Variants in PIAS1 observed in about 807,000 individuals in gnomAD.
The protein encoded by PIAS1 is protein inhibitor of activated STAT 1.
In PIAS1, 6 loss-of-function variants were observed where a neutral mutation model predicts 71.3. That is an observed-to-expected ratio of 0.08 (90% CI 0.05 to 0.17). PIAS1 has a LOEUF of 0.17. Ranked by LOEUF, PIAS1 falls within the 10% of genes least tolerant of loss-of-function variation. The probability of loss-of-function intolerance (pLI) is 1.00; values close to 1 mark genes in which losing one functional copy is unlikely to be tolerated. For missense variants in PIAS1, 555 were observed against 793.6 expected (o/e 0.70, Z 3.61); for synonymous variants, 303 against 292.9 (o/e 1.03, Z -0.35).
intron 2 of PIAS1, among the ~76,000 whole-genome samples, chr15:68,110,646 C>T (rs930090780): frequency 5.3e-5 from 8 of 151,900 alleles, no homozygotes; most frequent in African/African-American, 1.9e-4. Flanking sequence ...CCTGTAGTCC[C>T]ACCTACTCAA....
At chr15:68,071,104 T>C (rs1266455847) in intron 1 of PIAS1, among the ~76,000 whole-genome samples, 3 of 152,100 alleles carry the variant, frequency 2.0e-5, no homozygotes, top group South Asian at 2.1e-4. Flanking sequence ...CAGAATCCTT[T>C]GGGAGAGGGA....
intron 2 of PIAS1, among the ~76,000 whole-genome samples, chr15:68,123,983 T>TATACAC (rs1555428708): frequency 2.0e-5 from 3 of 151,188 alleles, no homozygotes; most frequent in South Asian, 2.1e-4. Context: ...TGTGTGAATA[T>TATACAC]ACACACACAC....
At chr15:68,124,934 A>T (rs2092639808) in intron 2 of PIAS1, among the ~76,000 whole-genome samples, 1 of 152,122 alleles carries the variant, frequency 6.6e-6, no homozygotes, top group Admixed American at 6.5e-5. Flanking sequence ...TAGGCATTGT[A>T]TATTGATTTC....
rs377246112 is a variant in PIAS1, at chr15:68,163,017, A to C, written c.935-1714A>C. On this transcript the variant is annotated intron_variant, in intron 7 of 13. Coordinates refer to ENST00000249636, the MANE Select transcript of PIAS1 (RefSeq NM_016166.3). ...CTTCCTCACTCATCCACAGACTGAC[A>C]CACCAGTCTCCTTTGGAAACACACT... Among the ~76,000 whole-genome samples, 8 of 152,336 alleles carry C rather than the reference A, an allele frequency of 5.3e-5. No homozygotes were observed. In the East Asian group the frequency reaches 1.5e-3, roughly 29 times the overall value.
chr15:68,193,797 G>A lies in PIAS1; in HGVS notation c.*5962G>A, dbSNP rs556433401. On this transcript the variant is annotated 3_prime_UTR_variant, in exon 14 of 14. Transcript: ENST00000249636. ...CCATGCTTGAAAGGGCCGGACTCAC[G>A]GTAGTTAATAAAATCAATACAAATC... 3.5e-5 allele frequency: 17 copies of A among 489,672 alleles called. No homozygotes were observed. The highest frequency in any genetic ancestry group is 2.6e-4 in the South Asian group (9 of 34,894). The allele number at this position is 489,672 out of a possible 1,614,324, so 30.3% of individuals were successfully genotyped here. A position where few individuals can be genotyped will look rare whatever the true frequency, so the allele number is the denominator to read the frequency against.
chr15:68,134,309 G>A (rs1214600621), intron 2 of PIAS1, among the ~76,000 whole-genome samples: 1 of 29,984 alleles, frequency 3.3e-5, no homozygotes, highest in Non-Finnish European at 1.4e-4. Flanking sequence ...CAGTAGGGGC[G>A]GCCGGGCAGA....
intron 1 of PIAS1, among the ~76,000 whole-genome samples, chr15:68,065,672 C>A (rs1462063285): frequency 6.7e-6 from 1 of 150,346 alleles, no homozygotes. Context: ...TTAAATCCTG[C>A]ATCTCTGTAA....
At chr15:68,069,833 T>G (rs1389560754) in intron 1 of PIAS1, among the ~76,000 whole-genome samples, 1 of 151,804 alleles carries the variant, frequency 6.6e-6, no homozygotes, top group Admixed American at 6.6e-5. Flanking sequence ...GAAATTACAT[T>G]CTAGTACTCC....
At chr15:68,057,130 A>T (rs2091904555) in intron 1 of PIAS1, among the ~76,000 whole-genome samples, 1 of 152,220 alleles carries the variant, frequency 6.6e-6, no homozygotes, top group Non-Finnish European at 1.5e-5. Context: ...TGGGAAAAAC[A>T]GATAGATCTT....
At chr15:68,108,806 GT>G (rs1298394456) in intron 2 of PIAS1, among the ~76,000 whole-genome samples, 1 of 152,100 alleles carries the variant, frequency 6.6e-6, no homozygotes, top group Non-Finnish European at 1.5e-5. Flanking sequence ...TAGTTAGGAT[GT>G]TTTATTGGCT....
chr15:68,144,953 TCAC>T (rs2092798049), intron 4 of PIAS1, among the ~76,000 whole-genome samples: 1 of 152,122 alleles, frequency 6.6e-6, no homozygotes. Context: ...GAGGAATATT[TCAC>T]AGATTTCGGA....
At chr15:68,166,468 C>G (rs908044401) in intron 8 of PIAS1, among the ~76,000 whole-genome samples, 1 of 151,250 alleles carries the variant, frequency 6.6e-6, no homozygotes, top group Admixed American at 6.6e-5. Context: ...TTTATTCTAC[C>G]CTCTTTCTCC....
chr15:68,118,590 C>T (rs1019236960), intron 2 of PIAS1, among the ~76,000 whole-genome samples: 3 of 152,190 alleles, frequency 2.0e-5, no homozygotes, highest in African/African-American at 7.2e-5. Context: ...GATCCTCCCA[C>T]CTCAGTCTCC....
chr15:68,120,623 A>G (rs923553462), intron 2 of PIAS1, among the ~76,000 whole-genome samples: 27 of 151,982 alleles, frequency 1.8e-4, no homozygotes, highest in Admixed American at 1.6e-3. Flanking sequence ...TCTTTGTGCT[A>G]TTCTTGTCAT....
intron 2 of PIAS1, among the ~76,000 whole-genome samples, chr15:68,105,745 A>G (rs1251389531): frequency 6.6e-6 from 1 of 152,144 alleles, no homozygotes; most frequent in Non-Finnish European, 1.5e-5. Context: ...GCTGAGCATG[A>G]GAGTCGGTTG....
intron 2 of PIAS1, among the ~76,000 whole-genome samples, chr15:68,135,028 T>A (rs1595754441): frequency 1.0e-4 from 4 of 38,612 alleles, no homozygotes; most frequent in African/African-American, 1.6e-4. Flanking sequence ...GCTCCTCACT[T>A]CCCAGTAGGG....
chr15:68,170,881 T>C (rs2141086312), intron 8 of PIAS1, among the ~76,000 whole-genome samples: 1 of 152,308 alleles, frequency 6.6e-6, no homozygotes, highest in East Asian at 1.9e-4. Context: ...TCTCAGGTGA[T>C]TCTCCCTCCT....
At position 68,121,190 on chromosome 15, in the gene PIAS1, G is replaced by C. The variant is rs535742409; in HGVS notation, c.470-20756G>C. On this transcript the variant is annotated intron_variant, in intron 2 of 13. Transcript: ENST00000249636. ...ATTCTTTTACCTTTTGTATGTCTCA[G>C]AGTTTTTATTTTACCTTTGTTTTTG... Among the ~76,000 whole-genome samples, 225 of 151,576 alleles carry C rather than the reference G, an allele frequency of 1.5e-3. 4 individuals carry two copies. The highest frequency in any genetic ancestry group is 5.2e-3 in the African/African-American group (214 of 41,374).
rs1427921606 is a variant in PIAS1 at position 68,167,185 on chromosome 15, T to C, written c.1008+2381T>C. Among the ~76,000 whole-genome samples the C allele has an allele frequency of 8.2e-6, 1 of 122,300 alleles. No individual in the cohort carries two copies. The allele number at this position is 122,300 out of a possible 152,430, so 80.2% of individuals were successfully genotyped here. ...GATTATAAAACAAAACAACTATATA[T>C]GTATATTGTGTGTGTGTGTGTGTGT... On this transcript the variant is annotated intron_variant, in intron 8 of 13. Transcript: ENST00000249636. This position sits in a 1 kb window ranked among gnomAD's most constrained non-coding sequence, Gnocchi z 4.4.
Sources: gnomAD v4.1 joint callset for allele counts (sites outside exome capture counted in the v4.1 genomes callset) on GRCh38, gnomAD v4.1.1 for gene constraint, Gnocchi (gnomAD v3.1) non-coding constraint, MANE v1.5 for transcripts, NCBI Gene and HGNC (gene_info 2026-07-23, HGNC 2026-07-21) for gene names.